SLFN12L: variants seen among roughly 807,000 people sequenced by gnomAD.
The protein encoded by SLFN12L is schlafen family member 12-like.
In SLFN12L, 34 loss-of-function variants were observed where a neutral mutation model predicts 34.8. The observed-to-expected ratio is 0.98, with a 90% confidence interval of 0.74 to 1.30. SLFN12L has a LOEUF of 1.30. Among genes scored for constraint, SLFN12L ranks in the 50% most tolerant of loss-of-function variants. SLFN12L has a pLI of 0.00. For missense variants in SLFN12L, 703 were observed against 696.2 expected (o/e 1.01, Z -0.11); for synonymous variants, 259 against 247.5 (o/e 1.05, Z -0.44).
chr17:35,534,255 G>A (rs1017464908), intron 1 of SLFN12L, among the ~76,000 whole-genome samples: 1 of 152,132 alleles, frequency 6.6e-6, no homozygotes, highest in African/African-American at 2.4e-5. Context: ...CCAGCTACTC[G>A]GGAGGCTGAG....
At chr17:35,505,245 C>T (rs1238534433) in intron 2 of SLFN12L, among the ~76,000 whole-genome samples, 1 of 152,088 alleles carries the variant, frequency 6.6e-6, no homozygotes, top group East Asian at 1.9e-4. Context: ...GGCTACATGA[C>T]CTGACAAAAT....
rs1159747993 is a variant in SLFN12L, at chr17:35,471,613, C to T, written c.*3310G>A. ...ACAGTGTAAAAGCATTCCTATTTCTCCACAGCCTCGCCGTGCAGTGGAGAC... is the reference window on the plus strand; with the variant it reads ...ACAGTGTAAAAGCATTCCTATTTCTTCACAGCCTCGCCGTGCAGTGGAGAC... On this transcript the variant is annotated 3_prime_UTR_variant, in exon 5 of 5. Coordinates refer to ENST00000628453, the MANE Select transcript of SLFN12L (RefSeq NM_001363830.2). 3.9e-5 allele frequency among the ~76,000 whole-genome samples: 6 copies of T among 151,926 alleles called. No homozygotes were observed. Among genetic ancestry groups the T allele is most frequent in the Admixed American group, 1.3e-4 (2 of 15,244 alleles).
At chr17:35,487,431 G>A (rs1914626662) in intron 2 of SLFN12L, among the ~76,000 whole-genome samples, 1 of 152,216 alleles carries the variant, frequency 6.6e-6, no homozygotes, top group African/African-American at 2.4e-5. Flanking sequence ...CGGTGGGGTT[G>A]CTCTGGCAGC....
At chr17:35,534,811 G>A (rs1428895313) in intron 1 of SLFN12L, among the ~76,000 whole-genome samples, 1 of 152,194 alleles carries the variant, frequency 6.6e-6, no homozygotes, top group Admixed American at 6.5e-5. Context: ...CAAATGTGGA[G>A]AGAGAACCTG....
At chr17:35,516,355 A>G (rs777614213) in intron 2 of SLFN12L, among the ~76,000 whole-genome samples, 3 of 152,238 alleles carry the variant, frequency 2.0e-5, no homozygotes, top group Non-Finnish European at 4.4e-5. Context: ...CTAAAGCAAA[A>G]CATTCCATCA....
intron 2 of SLFN12L, among the ~76,000 whole-genome samples, chr17:35,514,493 G>A (rs73992829): frequency 0.014 from 1,901 of 136,772 alleles, 45 homozygotes; most frequent in African/African-American, 0.044. Context: ...AAGGCCATAT[G>A]CACATTTTAA....
At chr17:35,536,143 T>A (rs72828026) in intron 1 of SLFN12L, among the ~76,000 whole-genome samples, 22,133 of 152,214 alleles carry the variant, frequency 0.15, 2,086 homozygotes, top group South Asian at 0.28. Flanking sequence ...TTAATCATTG[T>A]GCAAACTGGT....
chr17:35,518,057 A>G (rs1915886244), intron 2 of SLFN12L, among the ~76,000 whole-genome samples: 1 of 152,218 alleles, frequency 6.6e-6, no homozygotes, highest in Non-Finnish European at 1.5e-5. Context: ...ATCTAATCAA[A>G]CTAAAGAGCT....
At chr17:35,495,707 G>A (rs568928824) in intron 2 of SLFN12L, among the ~76,000 whole-genome samples, 52 of 135,462 alleles carry the variant, frequency 3.8e-4, no homozygotes, top group Middle Eastern at 7.2e-3. Context: ...TTCTGCTCGC[G>A]AGCCGCAGAG....
At chr17:35,496,609 G>A (rs1442032481) in intron 2 of SLFN12L, among the ~76,000 whole-genome samples, 1 of 150,144 alleles carries the variant, frequency 6.7e-6, no homozygotes, top group Non-Finnish European at 1.5e-5. Flanking sequence ...GCGGAAGATC[G>A]AGCCCCAGCG....
intron 2 of SLFN12L, chr17:35,498,206 A>AGCCGGGGCCGCCTGGGG: frequency 7.7e-6 from 2 of 260,388 alleles, no homozygotes; most frequent in Non-Finnish European, 1.6e-5. Context: ...GCCGCCTGGG[A>AGCCGGGGCCGCCTGGGG]TGTTCAGTCA....
intron 2 of SLFN12L, chr17:35,490,901 A>G: frequency 2.4e-6 from 2 of 823,162 alleles, no homozygotes; most frequent in East Asian, 2.4e-5. Context: ...CAGTCCAATG[A>G]CAACAAACAA....
At chr17:35,514,740 G>T in intron 2 of SLFN12L, 1 of 387,122 alleles carries the variant, frequency 2.6e-6, no homozygotes, top group South Asian at 2.1e-5. Flanking sequence ...TTTTAACTGA[G>T]ATTTTATTAT....
At chr17:35,498,921 G>T in intron 2 of SLFN12L, 1 of 718,004 alleles carries the variant, frequency 1.4e-6, no homozygotes. Context: ...TCTGCAGAAC[G>T]ATGCTGCCCT....
chr17:35,497,029 G>A (rs1045411640), intron 2 of SLFN12L, among the ~76,000 whole-genome samples: 8 of 152,190 alleles, frequency 5.3e-5, no homozygotes. Flanking sequence ...CAATTTGGGA[G>A]GCCAAAGCGG....
chr17:35,502,428 A>AC (rs1284330136), intron 2 of SLFN12L, among the ~76,000 whole-genome samples: 2 of 147,640 alleles, frequency 1.4e-5, no homozygotes, highest in African/African-American at 5.0e-5. Context: ...AAAAAAAAAA[A>AC]AAAAAAAAAA....
At chr17:35,531,613 C>CTTAT (rs1262241544) in intron 1 of SLFN12L, among the ~76,000 whole-genome samples, 5 of 151,406 alleles carry the variant, frequency 3.3e-5, no homozygotes, top group African/African-American at 4.9e-5. Flanking sequence ...ATTATATTTA[C>CTTAT]TTATTTATTT....
At chr17:35,497,899 C>T (rs969466594) in intron 2 of SLFN12L, among the ~76,000 whole-genome samples, 4 of 152,162 alleles carry the variant, frequency 2.6e-5, no homozygotes, top group Non-Finnish European at 5.9e-5. Flanking sequence ...GGAAAGGATT[C>T]TTGGGCCAGG....
chr17:35,508,235 G>A (rs1476613834), intron 2 of SLFN12L, among the ~76,000 whole-genome samples: 2 of 152,196 alleles, frequency 1.3e-5, no homozygotes. Context: ...GCCCTTAAAA[G>A]GGACAGGAAT....
Sources: allele counts gnomAD v4.1 joint callset (sites outside exome capture counted in the v4.1 genomes callset), GRCh38; gene constraint gnomAD v4.1.1; transcripts MANE v1.5; gene names NCBI Gene and HGNC (gene_info 2026-07-23, HGNC 2026-07-21).